The following EDRF1 variants were observed in gnomAD, a reference collection of about 807,000 sequenced individuals.
EDRF1 encodes the protein erythroid differentiation regulatory factor 1.
EDRF1 carries 69 observed loss-of-function variants against 148.7 expected under a neutral mutation model. That is an observed-to-expected ratio of 0.46 (90% confidence interval 0.38 to 0.57). EDRF1 has a LOEUF of 0.57. EDRF1 is among the 20% of genes least tolerant of loss of function. EDRF1 has a pLI of 0.00. For synonymous variants in EDRF1, 515 were observed against 532.8 expected (o/e 0.97, Z 0.46); for missense variants, 1,118 against 1,478.7 (o/e 0.76, Z 4.00).
In EDRF1 at chr10:125,721,281, A is replaced by T. The variant is rs989906418; in HGVS notation, c.186A>T (p.Thr62=). Residue 62 remains threonine, a synonymous_variant, in exon 2 of 25, where the codon ACA becomes ACT. Transcript: ENST00000356792. ...AATACTCTTCTGCCCCTCCTCGAAC[A>T]GCATTTGCACGCCTTGAAGAGAAAA... ...VVKYSSAPPR[T]AFARLEEKTD... The T allele has an allele frequency of 6.2e-7, 1 of 1,614,260 alleles. No individual in the cohort carries two copies. The highest frequency in any genetic ancestry group is 1.3e-5 in the African/African-American group (1 of 75,064).
intron 9 of EDRF1, among the ~76,000 whole-genome samples, chr10:125,733,033 C>T (rs1848547325): frequency 6.6e-6 from 1 of 152,114 alleles, no homozygotes; most frequent in Admixed American, 6.6e-5. Context: ...GTTTTAAAAT[C>T]TTGCTGGGTA....
At chr10:125,742,119 C>G (rs1849054774) in intron 17 of EDRF1, 1 of 851,990 alleles carries the variant, frequency 1.2e-6, no homozygotes, top group African/African-American at 1.7e-5. Flanking sequence ...AATTAACCTT[C>G]TGAATGATTC....
chr10:125,753,849 A>G lies in EDRF1; in HGVS notation c.3545+4A>G. On this transcript the variant is annotated splice_donor_region_variant and intron_variant, in intron 24 of 24. Coordinates refer to ENST00000356792, the MANE Select transcript of EDRF1 (RefSeq NM_001202438.2). ...CTTCAACTAAAAAGAAAACAAGGTA[A>G]ATTAAGTGGTTATTTGTAGGAATTT... is the stretch of plus-strand genomic sequence containing the variant. 1.2e-6 allele frequency: 2 copies of G among 1,612,274 alleles called. No homozygotes were observed. The highest frequency in any genetic ancestry group is 1.7e-6 in the Non-Finnish European group (2 of 1,179,804).
intron 24 of EDRF1, among the ~76,000 whole-genome samples, chr10:125,757,846 C>T (rs1253296221): frequency 2.0e-5 from 3 of 152,158 alleles, no homozygotes; most frequent in African/African-American, 7.2e-5. Context: ...TGCCTGTAGG[C>T]GCCTCACCCC....
chr10:125,721,254 G>A lies in EDRF1; in HGVS notation c.159G>A (p.Val53=). The change falls in exon 2 of 25, where the codon GTG becomes GTA. Residue 53 remains valine (V), a synonymous_variant. Transcript: ENST00000356792. ...GGNEVKSRAV[V]KYSSAPPRTA... is the part of the protein sequence containing the mutation. ...ATGAAGTGAAGAGCCGAGCTGTGGT[G>A]AAATACTCTTCTGCCCCTCCTCGAA... 6.2e-7 allele frequency: 1 copy of A among 1,614,204 alleles called. No individual in the cohort carries two copies. Among genetic ancestry groups the A allele is most frequent in the Non-Finnish European group, 8.5e-7 (1 of 1,180,042 alleles).
intron 6 of EDRF1, 140 bp downstream of exon 6, chr10:125,725,978 C>A: frequency 1.0e-6 from 1 of 958,868 alleles, no homozygotes; most frequent in Non-Finnish European, 1.5e-6. Context: ...AGACTTCTGT[C>A]AATTTATGGA....
chr10:125,721,565 TA>T (rs1419184111), intron 2 of EDRF1, among the ~76,000 whole-genome samples, 153 bp downstream of exon 2: 3 of 152,380 alleles, frequency 2.0e-5, no homozygotes, highest in African/African-American at 7.2e-5. Flanking sequence ...TTTATTCTGA[TA>T]ATAGATGATG....
intron 21 of EDRF1, 59 bp downstream of exon 21, chr10:125,748,071 TTTTG>T (rs1849457304): frequency 6.3e-7 from 1 of 1,598,436 alleles, no homozygotes; most frequent in Non-Finnish European, 8.6e-7. Context: ...TCTGGGTGCT[TTTTG>T]TTTTTTTAAC....
At chr10:125,737,514 G>C (rs1226900786) in intron 13 of EDRF1, among the ~76,000 whole-genome samples, 4 of 152,164 alleles carry the variant, frequency 2.6e-5, no homozygotes, top group Admixed American at 2.6e-4. Flanking sequence ...CTTCACAGAA[G>C]CCCCTACACA....
At chr10:125,751,667 T>C (rs1026896) in intron 22 of EDRF1, among the ~76,000 whole-genome samples, 110,969 of 152,192 alleles carry the variant, frequency 0.73, 40,928 homozygotes, top group East Asian at 0.9. Context: ...CCCAAGACCA[T>C]TGTCACTTCT....
chr10:125,756,020 T>C (rs1849885296), intron 24 of EDRF1, among the ~76,000 whole-genome samples: 1 of 152,166 alleles, frequency 6.6e-6, no homozygotes, highest in Non-Finnish European at 1.5e-5. Context: ...TTTTGTAGTT[T>C]CTTAAGGTGG....
chr10:125,753,410 T>C (rs1849739572), intron 23 of EDRF1, among the ~76,000 whole-genome samples: 1 of 152,218 alleles, frequency 6.6e-6, no homozygotes, highest in South Asian at 2.1e-4. Context: ...ATTGCTCTTC[T>C]AGCCCTGCTT....
chr10:125,742,652 A>T (rs985636809), intron 17 of EDRF1: 7 of 985,156 alleles, frequency 7.1e-6, no homozygotes, highest in Non-Finnish European at 8.4e-6. Context: ...TTAATCTTCG[A>T]GGGCTTCTGT....
intron 8 of EDRF1, 75 bp downstream of exon 8, chr10:125,729,554 T>G: frequency 6.3e-7 from 1 of 1,592,924 alleles, no homozygotes; most frequent in Non-Finnish European, 8.6e-7. Flanking sequence ...TCCATCAGAC[T>G]GAGGTTGCAG....
At chr10:125,756,626 C>T (rs1043531108) in intron 24 of EDRF1, among the ~76,000 whole-genome samples, 1 of 152,186 alleles carries the variant, frequency 6.6e-6, no homozygotes, top group African/African-American at 2.4e-5. Flanking sequence ...TAGGTACACA[C>T]ACGTAGGATT....
intron 22 of EDRF1, 25 bp from the exon 23 acceptor site, chr10:125,752,774 G>T (rs987497258): frequency 1.4e-6 from 2 of 1,458,670 alleles, no homozygotes; most frequent in East Asian, 2.3e-5. Flanking sequence ...TTAAAGAAAT[G>T]AACGTTTTGT....
chr10:125,745,944 G>C lies in EDRF1; in HGVS notation c.2814+14G>C. The C allele has an allele frequency of 6.2e-7, 1 of 1,611,678 alleles. No individual in the cohort carries two copies. The highest frequency in any genetic ancestry group is 8.5e-7 in the Non-Finnish European group (1 of 1,178,302). On this transcript the variant is annotated intron_variant, in intron 19 of 24. Coordinates refer to ENST00000356792, the MANE Select transcript of EDRF1 (RefSeq NM_001202438.2). ...TATTATAATAAGGTAACACATTCGC[G>C]TACATGTTGGGCCTCACCCATTCAC...
chr10:125,755,866 C>T (rs900329814), intron 24 of EDRF1, among the ~76,000 whole-genome samples: 5 of 151,890 alleles, frequency 3.3e-5, no homozygotes, highest in African/African-American at 9.7e-5. Context: ...TAGAAGTTTT[C>T]GATTTTTTTT....
At chr10:125,730,176 T>C (rs1239877229) in intron 8 of EDRF1, 112 bp from the exon 9 acceptor site, 1 of 811,800 alleles carries the variant, frequency 1.2e-6, no homozygotes, top group African/African-American at 1.7e-5. Context: ...TAGATGGCAT[T>C]TTCTATCTAG....
Sources: allele counts gnomAD v4.1 joint callset (sites outside exome capture counted in the v4.1 genomes callset), GRCh38; gene constraint gnomAD v4.1.1; transcripts MANE v1.5; gene names NCBI Gene and HGNC (gene_info 2026-07-23, HGNC 2026-07-21).